The following SAMD5 variants were observed in gnomAD, a reference collection of about 807,000 sequenced individuals.
SAMD5 encodes the protein sterile alpha motif domain containing 5, also known as sterile alpha motif domain-containing protein 5.
A neutral mutation model predicts 11.3 loss-of-function variants in SAMD5; 13 were observed. The observed-to-expected ratio is 1.15, with a 90% CI of 0.75 to 1.83. The LOEUF (loss-of-function observed/expected upper bound fraction) is 1.83, where lower values mean the gene tolerates loss of function less well. SAMD5 is among the 40% of genes most tolerant of loss of function. The probability of loss-of-function intolerance (pLI) is 0.00; values close to 1 mark genes in which losing one functional copy is unlikely to be tolerated. For synonymous variants in SAMD5, 129 were observed against 111.3 expected (o/e 1.16, Z -1.00); for missense variants, 255 against 239.1 (o/e 1.07, Z -0.44).
At chr6:147,700,458 T>A (rs188919101) in intron 1 of SAMD5, among the ~76,000 whole-genome samples, 2 of 152,262 alleles carry the variant, frequency 1.3e-5, no homozygotes, top group East Asian at 1.9e-4. Flanking sequence ...AGTTCAGGAT[T>A]TTTTCCCCCC....
rs1225535861 is a variant in SAMD5 at position 147,711,993 on chromosome 6, A to G, written c.163-25324A>G. Among the ~76,000 whole-genome samples the G allele has an allele frequency of 6.6e-6, 1 of 152,230 alleles. No homozygotes were observed. Among genetic ancestry groups the G allele is most frequent in the East Asian group, 1.9e-4 (1 of 5,206 alleles). ...ATGAGCATTTTCTTACAGAAATCCA[A>G]GAGACATTACAGGGGAGATAAAGAA... On this transcript the variant is annotated intron_variant, in intron 1 of 1. Coordinates refer to the SAMD5 transcript ENST00000566741. The surrounding 1 kb of genome is among the most constrained non-coding windows in gnomAD (Gnocchi z 4.1).
chr6:147,887,664 A>G, the SAMD5 span, among the ~76,000 whole-genome samples: 1 of 152,230 alleles, frequency 6.6e-6, no homozygotes, highest in African/African-American at 2.4e-5. Flanking sequence ...GTATAGGCAT[A>G]TGCTTTCATT....
the SAMD5 span, among the ~76,000 whole-genome samples, chr6:147,919,668 C>T: frequency 6.6e-6 from 1 of 152,206 alleles, no homozygotes; most frequent in Non-Finnish European, 1.5e-5. Context: ...TGTCTGAAGA[C>T]ATGTGGAATA....
intron 1 of SAMD5, among the ~76,000 whole-genome samples, chr6:147,584,902 G>C (rs900817040): frequency 3.9e-5 from 6 of 152,176 alleles, no homozygotes; most frequent in Non-Finnish European, 8.8e-5. Context: ...AGAAAAATCT[G>C]TTGATTTTGC....
At chr6:147,701,871 G>A (rs1419406312) in intron 1 of SAMD5, among the ~76,000 whole-genome samples, 1 of 152,100 alleles carries the variant, frequency 6.6e-6, no homozygotes, top group East Asian at 1.9e-4. Flanking sequence ...GATAACTGGG[G>A]AGAAAATTCA....
At chr6:147,901,368 A>C in the SAMD5 span, among the ~76,000 whole-genome samples, 3 of 152,242 alleles carry the variant, frequency 2.0e-5, no homozygotes, top group South Asian at 6.2e-4. Flanking sequence ...AATTTTTACA[A>C]ATAAGAGAGT....
At chr6:147,821,267 T>C in the SAMD5 span, among the ~76,000 whole-genome samples, 1 of 152,218 alleles carries the variant, frequency 6.6e-6, no homozygotes, top group Non-Finnish European at 1.5e-5. Flanking sequence ...CTTCCATGGA[T>C]GTGATATAAA....
chr6:147,514,846 T>G (rs1487659443), intron 1 of SAMD5, among the ~76,000 whole-genome samples: 7 of 152,194 alleles, frequency 4.6e-5, no homozygotes, highest in Non-Finnish European at 1.0e-4. Context: ...GTAACAAGAA[T>G]CTCATGCTAA....
chr6:147,730,274 A>G (rs1340468562), intron 1 of SAMD5: 1 of 357,296 alleles, frequency 2.8e-6, no homozygotes, highest in Non-Finnish European at 5.5e-6. Context: ...CATTAATGGG[A>G]TCACTTTGAC....
intron 1 of SAMD5, among the ~76,000 whole-genome samples, chr6:147,519,710 G>A (rs571963023): frequency 6.6e-6 from 1 of 152,318 alleles, no homozygotes; most frequent in Admixed American, 6.5e-5. Context: ...CTTTAGTCAA[G>A]TATGTGGGTT....
chr6:147,555,227 G>A (rs2128443500), intron 1 of SAMD5, among the ~76,000 whole-genome samples: 1 of 152,342 alleles, frequency 6.6e-6, no homozygotes, highest in Non-Finnish European at 1.5e-5. Flanking sequence ...GGACGTGTAT[G>A]TAAATCTTGT....
At chr6:147,777,040 C>T in the SAMD5 span, among the ~76,000 whole-genome samples, 2 of 152,274 alleles carry the variant, frequency 1.3e-5, no homozygotes, top group South Asian at 2.1e-4. Context: ...CCATCAGCAC[C>T]CTGTCCCCTA....
the SAMD5 span, among the ~76,000 whole-genome samples, chr6:147,753,824 G>A: frequency 2.6e-5 from 4 of 151,834 alleles, no homozygotes; most frequent in African/African-American, 7.3e-5. Context: ...TTTGTGCCTG[G>A]CTTATTTCAC....
the SAMD5 span, among the ~76,000 whole-genome samples, chr6:147,812,237 T>C: frequency 6.6e-6 from 1 of 152,136 alleles, no homozygotes; most frequent in Non-Finnish European, 1.5e-5. Context: ...GTAGGAAATA[T>C]TGTGGTAAGG....
chr6:147,586,683 A>G (rs1436596910), intron 1 of SAMD5, among the ~76,000 whole-genome samples: 2 of 151,592 alleles, frequency 1.3e-5, no homozygotes, highest in Non-Finnish European at 2.9e-5. Flanking sequence ...TATTTTAAAT[A>G]ACAAAAAGAT....
chr6:147,635,568 T>C (rs1283248369), intron 1 of SAMD5, among the ~76,000 whole-genome samples: 3 of 152,228 alleles, frequency 2.0e-5, no homozygotes, highest in Non-Finnish European at 4.4e-5. Context: ...GTTTGTATCA[T>C]TGTCAACAAA....
chr6:147,822,959 T>C, the SAMD5 span, among the ~76,000 whole-genome samples: 1 of 150,348 alleles, frequency 6.7e-6, no homozygotes, highest in South Asian at 2.1e-4. Flanking sequence ...GGATTACAGG[T>C]GCCCACCACT....
chr6:147,875,835 T>C, the SAMD5 span, among the ~76,000 whole-genome samples: 3 of 152,130 alleles, frequency 2.0e-5, no homozygotes, highest in Non-Finnish European at 2.9e-5. Context: ...GACCATCTAG[T>C]TTCAGGAAAA....
intron 1 of SAMD5, among the ~76,000 whole-genome samples, chr6:147,528,910 G>T (rs780871368): frequency 3.3e-5 from 5 of 152,210 alleles, no homozygotes; most frequent in Non-Finnish European, 7.3e-5. Flanking sequence ...TACCATTGAT[G>T]AAATAAATCT....
Sources: allele counts gnomAD v4.1 joint callset (sites outside exome capture counted in the v4.1 genomes callset), GRCh38; gene constraint gnomAD v4.1.1; non-coding constraint Gnocchi (gnomAD v3.1); transcripts MANE v1.5; gene names NCBI Gene and HGNC (gene_info 2026-07-23, HGNC 2026-07-21).